Variants in MYOM2 observed in about 807,000 individuals in gnomAD.
MYOM2 encodes myomesin-2.
Under a neutral mutation model 187.6 loss-of-function variants are expected in MYOM2, and 254 were observed. The ratio of observed to expected loss-of-function variants is 1.35; its 90% CI spans 1.22 to 1.50. The LOEUF (loss-of-function observed/expected upper bound fraction) is 1.50. Ranked by LOEUF, MYOM2 falls within the 40% of genes most tolerant of loss-of-function variation. The pLI is 0.00. For missense variants in MYOM2, 2,796 were observed against 1,924.0 expected, an observed-to-expected ratio of 1.45 and a Z score of -8.48; for synonymous variants, 981 against 753.8, an observed-to-expected ratio of 1.30 and a Z score of -4.94.
chr8:2,143,919 T>C (rs764198922), intron 36 of MYOM2, among the ~76,000 whole-genome samples: 2 of 152,244 alleles, frequency 1.3e-5, no homozygotes, highest in Non-Finnish European at 2.9e-5. Context: ...CTCAAGGTCA[T>C]TGTGGAACAC....
At position 2,096,436 on chromosome 8, in the gene MYOM2, T is replaced by C. The variant is rs1796489415; in HGVS notation, c.2313+2T>C. ...CCCAGCAAACCGACAATCCTAACGG[T>C]CAGTTGGTTTTTATTCCTTCGTCTA... On this transcript the variant is annotated splice_donor_variant, in intron 18 of 36. Transcript: ENST00000262113. LOFTEE classifies it high-confidence loss of function. 1 of 1,613,146 alleles carries C rather than the reference T, an allele frequency of 6.2e-7. No individual in the cohort carries two copies. The highest frequency in any genetic ancestry group is 1.3e-5 in the African/African-American group (1 of 74,890).
chr8:2,072,710 C>A (rs1272526431), intron 9 of MYOM2, among the ~76,000 whole-genome samples: 1 of 152,200 alleles, frequency 6.6e-6, no homozygotes, highest in East Asian at 1.9e-4. Context: ...GAGAGGGAGA[C>A]CCCGAACCTA....
chr8:2,106,632 G>C (rs762802487), intron 23 of MYOM2, 35 bp downstream of exon 23: 1 of 1,455,900 alleles, frequency 6.9e-7, no homozygotes, highest in Non-Finnish European at 9.4e-7. Flanking sequence ...GCCTGTTTTG[G>C]TTTTATCACA....
chr8:2,086,249 T>C (rs1417108342), intron 14 of MYOM2, among the ~76,000 whole-genome samples: 1 of 85,896 alleles, frequency 1.2e-5, no homozygotes, highest in Non-Finnish European at 2.9e-5. Flanking sequence ...TTGTGATCTT[T>C]GCGTGGCCCC....
chr8:2,082,379 C>G (rs1266334782), intron 13 of MYOM2, among the ~76,000 whole-genome samples: 1 of 146,402 alleles, frequency 6.8e-6, no homozygotes, highest in East Asian at 2.0e-4. Context: ...CTACCTGTGT[C>G]TTTTTTCTTC....
chr8:2,141,219 G>T, intron 34 of MYOM2, 42 bp downstream of exon 34: 1 of 1,574,942 alleles, frequency 6.3e-7, no homozygotes, highest in Non-Finnish European at 8.7e-7. Flanking sequence ...CCTGTGGGCA[G>T]TTGAGTCCCA....
intron 30 of MYOM2, 29 bp from the exon 31 acceptor site, chr8:2,124,150 T>A (rs911334322): frequency 5.0e-6 from 8 of 1,603,772 alleles, no homozygotes; most frequent in Admixed American, 1.7e-5. Context: ...TTACATGTCG[T>A]AATGGTGCGT....
chr8:2,062,507 A>G (rs1818884114), intron 6 of MYOM2, among the ~76,000 whole-genome samples: 1 of 152,106 alleles, frequency 6.6e-6, no homozygotes, highest in Non-Finnish European at 1.5e-5. Context: ...GGGTCCAAGT[A>G]TTCTCAGAGC....
chr8:2,119,895 A>G (rs1797368944), intron 28 of MYOM2, among the ~76,000 whole-genome samples: 1 of 152,142 alleles, frequency 6.6e-6, no homozygotes, highest in East Asian at 1.9e-4. Flanking sequence ...GGGGGATGCC[A>G]AAAACCAGGG....
chr8:2,104,936 G>T (rs1349096233), intron 21 of MYOM2, among the ~76,000 whole-genome samples: 2 of 152,114 alleles, frequency 1.3e-5, no homozygotes, highest in African/African-American at 4.8e-5. Flanking sequence ...CTTTTAAAAA[G>T]AATTTTTATT....
Position 2,086,391 on chromosome 8 carries a change from ACTGTTG to A in MYOM2, c.1644+1002_1644+1007del, listed in dbSNP as rs1796057923. Among the ~76,000 whole-genome samples, 5 of 106,654 alleles carry A rather than the reference ACTGTTG, an allele frequency of 4.7e-5. 1 individual carries two copies. The highest frequency in any genetic ancestry group is 9.5e-5 in the African/African-American group (2 of 21,008). 70.0% of individuals were successfully genotyped at this position (106,654 alleles called of 152,430 possible). On this transcript the variant is annotated intron_variant, in intron 14 of 36. Transcript: ENST00000262113. Reference sequence around the variant, plus strand: ...TGTTGTGATCTCTGCGTGGCCTCCCACTGTTGTGATCTCTGCGTGGCCTCCCACTGT... The same window carrying A: ...TGTTGTGATCTCTGCGTGGCCTCCCATGATCTCTGCGTGGCCTCCCACTGT...
At chr8:2,109,166 G>C in intron 24 of MYOM2, 1 of 533,610 alleles carries the variant, frequency 1.9e-6, no homozygotes, top group East Asian at 3.2e-5. Context: ...TTTACTTATC[G>C]AACACATTTG....
intron 23 of MYOM2, among the ~76,000 whole-genome samples, chr8:2,106,858 G>C (rs1317618402): frequency 1.3e-5 from 2 of 152,116 alleles, no homozygotes; most frequent in Non-Finnish European, 2.9e-5. Flanking sequence ...TTGAGTCTTA[G>C]CCACATTTTA....
intron 14 of MYOM2, among the ~76,000 whole-genome samples, chr8:2,085,696 GCC>G (rs1181980786): frequency 4.6e-5 from 1 of 21,888 alleles, no homozygotes; most frequent in Non-Finnish European, 7.6e-5. Flanking sequence ...TCTCTGCGTG[GCC>G]CCCCACTGTC....
At position 2,059,195 on chromosome 8, in the gene MYOM2, A is replaced by C; in HGVS notation, c.603A>C (p.Gly201=). 6.2e-7 allele frequency: 1 copy of C among 1,614,190 alleles called. No individual in the cohort carries two copies. Among genetic ancestry groups the C allele is most frequent in the Non-Finnish European group, 8.5e-7 (1 of 1,180,036 alleles). ...TGATTTGCCAGGCGGCTGAACCGGG[A>C]AAGTACAGGATTGAGAGCAACTATG... ...GSLICQAAEP[G]KYRIESNYGV... is the part of the protein sequence containing the mutation. The change falls in exon 6 of 37, where the codon GGA becomes GGC. Residue 201 remains glycine (G), a synonymous_variant. Coordinates refer to ENST00000262113, the MANE Select transcript of MYOM2 (RefSeq NM_003970.4).
chr8:2,144,781 T>A lies in MYOM2; in HGVS notation c.4198T>A (p.Tyr1400Asn). ...CTCGGTGAAGGTGGAGCAGGCCAAG[T>A]ACGTCAGCATGACCATCAAAGGCGT... Reference protein sequence around the residue: ...HFSVKVEQAKYVSMTIKGVTS... With the variant: ...HFSVKVEQAKNVSMTIKGVTS... Residue 1400 changes from tyrosine to asparagine, a missense_variant, in exon 37 of 37, where the codon TAC becomes AAC. By Grantham distance (143) the Tyr-to-Asn change is moderately radical (BLOSUM62 -2). Coordinates refer to ENST00000262113, the MANE Select transcript of MYOM2 (RefSeq NM_003970.4). 6.2e-7 allele frequency: 1 copy of A among 1,614,118 alleles called. No individual in the cohort carries two copies. Among genetic ancestry groups the A allele is most frequent in the Non-Finnish European group, 8.5e-7 (1 of 1,180,014 alleles).
intron 14 of MYOM2, 57 bp downstream of exon 14, chr8:2,085,447 A>ATCTCTGTGTGGCCCCCCGCTGTCG (rs1819789030): frequency 7.5e-7 from 1 of 1,341,348 alleles, no homozygotes; most frequent in Non-Finnish European, 9.8e-7. Flanking sequence ...CCCCACTGTC[A>ATCTCTGTGTGGCCCCCCGCTGTCG]TGATCTCTGC....
intron 28 of MYOM2, among the ~76,000 whole-genome samples, chr8:2,121,847 A>C (rs1418234993): frequency 1.3e-5 from 2 of 152,220 alleles, no homozygotes; most frequent in Non-Finnish European, 2.9e-5. Flanking sequence ...TACGTAGCCT[A>C]AGAGGTGATG....
Position 2,108,845 on chromosome 8 carries a change from A to C in MYOM2, c.3043+15A>C. The C allele has an allele frequency of 6.2e-7, 1 of 1,613,728 alleles. No individual in the cohort carries two copies. Among genetic ancestry groups the C allele is most frequent in the African/African-American group, 1.3e-5 (1 of 75,040 alleles). On this transcript the variant is annotated intron_variant, in intron 24 of 36. Coordinates refer to ENST00000262113, the MANE Select transcript of MYOM2 (RefSeq NM_003970.4). ...AAAGAACCCCAGTAAGTAAGCCTCC[A>C]GCCCTTCCCCTCTGCTTGCAGCTGC...
Sources: allele counts gnomAD v4.1 joint callset (sites outside exome capture counted in the v4.1 genomes callset), GRCh38; gene constraint gnomAD v4.1.1; transcripts MANE v1.5; gene names NCBI Gene and HGNC (gene_info 2026-07-23, HGNC 2026-07-21).